The following IPPK variants were observed in gnomAD, a reference collection of about 807,000 sequenced individuals.
The protein encoded by IPPK is inositol-pentakisphosphate 2-kinase.
Under a neutral mutation model 64.6 loss-of-function variants are expected in IPPK, and 22 were observed. The ratio of observed to expected loss-of-function variants is 0.34; its 90% confidence interval spans 0.24 to 0.49. IPPK has a LOEUF of 0.49. Ranked by LOEUF, IPPK falls within the 20% of genes least tolerant of loss-of-function variation. The pLI, the probability that IPPK is intolerant of heterozygous loss-of-function variation, is 0.99. For missense variants in IPPK, 532 were observed against 630.7 expected, an observed-to-expected ratio of 0.84 and a Z score of 1.68; for synonymous variants, 262 against 247.2, an observed-to-expected ratio of 1.06 and a Z score of -0.56.
intron 12 of IPPK, chr9:92,618,348 C>G (rs1024429289): frequency 1.5e-5 from 7 of 456,610 alleles, no homozygotes; most frequent in African/African-American, 1.4e-4. Context: ...TCGTAAGGAC[C>G]CGGGCCTTCA....
rs767327265 is a variant in IPPK at position 92,638,010 on chromosome 9, G to A, written c.907C>T (p.Arg303Cys). 2.3e-5 allele frequency: 36 copies of A among 1,574,132 alleles called. No individual in the cohort carries two copies. In the East Asian group the frequency reaches 4.2e-4, roughly 18 times the overall value. The change falls in exon 9 of 13, where the codon CGC (arginine) becomes TGC (cysteine). Residue 303 changes from arginine (R) to cysteine (C), a missense_variant. Coordinates refer to ENST00000287996, the MANE Select transcript of IPPK (RefSeq NM_022755.6). ...CEASPFSRSL[R>C]CQGKNTPERS... Reference sequence around the variant, plus strand: ...GAAGGCTGGGCCCTACCTTGGCAGCGAAGGCTCCTACTGAAAGGGCTGGCT... The same window carrying A: ...GAAGGCTGGGCCCTACCTTGGCAGCAAAGGCTCCTACTGAAAGGGCTGGCT...
chr9:92,653,392 C>T (rs1852306422), intron 3 of IPPK, among the ~76,000 whole-genome samples: 1 of 152,158 alleles, frequency 6.6e-6, no homozygotes, highest in Non-Finnish European at 1.5e-5. Flanking sequence ...CATGCCCCTC[C>T]ACCACCACCC....
rs1169496985 is a variant in IPPK, at chr9:92,614,937, C to G, written c.*895G>C. On this transcript the variant is annotated 3_prime_UTR_variant, in exon 13 of 13. Transcript: ENST00000287996. ...AACGCAACACGTCTCAAGGCAAACC[C>G]GAGGGAGGAACTTGGTCTGGGAGGA... is the stretch of plus-strand genomic sequence containing the variant. The G allele has an allele frequency of 6.6e-6, 1 of 152,372 alleles. No individual in the cohort carries two copies. Among genetic ancestry groups the G allele is most frequent in the Non-Finnish European group, 1.5e-5 (1 of 68,042 alleles). 9.4% of individuals were successfully genotyped at this position (152,372 alleles called of 1,614,324 possible).
chr9:92,669,732 A>G (rs1174076124), intron 1 of IPPK, among the ~76,000 whole-genome samples, 176 bp downstream of exon 1: 1 of 137,222 alleles, frequency 7.3e-6, no homozygotes, highest in Non-Finnish European at 1.6e-5. Context: ...GTGATGAGGA[A>G]CCCAAGCGGT....
chr9:92,622,408 A>G (rs943809373), intron 11 of IPPK, among the ~76,000 whole-genome samples: 9 of 152,180 alleles, frequency 5.9e-5, no homozygotes, highest in Non-Finnish European at 1.0e-4. Flanking sequence ...AAAAGAAACT[A>G]TAATCGTTAG....
At chr9:92,652,490 C>T (rs752438996) in intron 4 of IPPK, 83 bp downstream of exon 4, 23 of 642,776 alleles carry the variant, frequency 3.6e-5, no homozygotes, top group Non-Finnish European at 5.5e-5. Context: ...AATGCATATA[C>T]CTAACATGGG....
chr9:92,658,403 C>T (rs1171229709), intron 2 of IPPK, among the ~76,000 whole-genome samples: 1 of 152,192 alleles, frequency 6.6e-6, no homozygotes, highest in South Asian at 2.1e-4. Context: ...ACAGGCCAGG[C>T]CAGGGCAGCT....
intron 12 of IPPK, chr9:92,617,865 T>C (rs1428745311): frequency 4.7e-6 from 1 of 212,780 alleles, no homozygotes. Flanking sequence ...CAGATCCAAC[T>C]TGAGACATTT....
At chr9:92,658,736 G>GT in intron 1 of IPPK, 55 bp from the exon 2 acceptor site, 1 of 1,517,008 alleles carries the variant, frequency 6.6e-7, no homozygotes, top group African/African-American at 1.4e-5. Context: ...AAGGCACAAG[G>GT]TGTCAGTCAG....
At position 92,613,315 on chromosome 9, in the gene IPPK, TACA is replaced by T; in HGVS notation, c.*2514_*2516del. ...AAACTCTCATGACATGAAAAATAAA[TACA>T]ACTAGTTAAGTATAAAATGCCAAAT... On this transcript the variant is annotated 3_prime_UTR_variant, in exon 13 of 13. Coordinates refer to ENST00000287996, the MANE Select transcript of IPPK (RefSeq NM_022755.6). The T allele has an allele frequency of 5.8e-6, 4 of 692,780 alleles. No homozygotes were observed. The highest frequency in any genetic ancestry group is 9.5e-6 in the Non-Finnish European group (4 of 421,514). 42.9% of individuals were successfully genotyped at this position (692,780 alleles called of 1,614,324 possible). A position where few individuals can be genotyped will look rare whatever the true frequency, so the allele number is the denominator to read the frequency against.
chr9:92,642,841 T>C (rs1385744714), intron 6 of IPPK, 31 bp from the exon 7 acceptor site: 2 of 1,575,002 alleles, frequency 1.3e-6, no homozygotes, highest in Non-Finnish European at 1.7e-6. Flanking sequence ...GGGCATGAGG[T>C]GACTGGCGCT....
chr9:92,645,907 A>T lies in IPPK; in HGVS notation c.504+2152T>A, dbSNP rs191275970. 6.0e-3 allele frequency among the ~76,000 whole-genome samples: 912 copies of T among 152,192 alleles called. 10 individuals are homozygous for T. Among genetic ancestry groups the T allele is most frequent in the African/African-American group, 0.021 (874 of 41,502 alleles). Reference sequence around the variant, plus strand: ...ATAAAGGATACTAGATAGTAACTCAAATCCACAGGAAGAAATAAAGAGTAT... The same window carrying T: ...ATAAAGGATACTAGATAGTAACTCATATCCACAGGAAGAAATAAAGAGTAT... On this transcript the variant is annotated intron_variant, in intron 6 of 12. Coordinates refer to ENST00000287996, the MANE Select transcript of IPPK (RefSeq NM_022755.6).
intron 1 of IPPK, among the ~76,000 whole-genome samples, chr9:92,662,767 C>G (rs1005035997): frequency 1.3e-5 from 2 of 152,164 alleles, no homozygotes; most frequent in Non-Finnish European, 2.9e-5. Context: ...TATACACACA[C>G]ACTAAATAAC....
chr9:92,630,178 C>A (rs1851812948), intron 11 of IPPK, among the ~76,000 whole-genome samples: 1 of 151,958 alleles, frequency 6.6e-6, no homozygotes, highest in South Asian at 2.1e-4. Context: ...TATGTCCACC[C>A]CATGGACTAT....
chr9:92,634,168 G>A (rs987250381), intron 11 of IPPK, among the ~76,000 whole-genome samples: 1 of 152,222 alleles, frequency 6.6e-6, no homozygotes, highest in African/African-American at 2.4e-5. Flanking sequence ...ACGGGCCAGG[G>A]CAGAACTCAA....
intron 11 of IPPK, among the ~76,000 whole-genome samples, chr9:92,621,858 C>T (rs1851642593): frequency 6.6e-6 from 1 of 152,132 alleles, no homozygotes; most frequent in South Asian, 2.1e-4. Context: ...AAAGAGTAAA[C>T]AGACCATCTT....
intron 11 of IPPK, chr9:92,619,803 C>A (rs899214047): frequency 5.5e-6 from 3 of 543,670 alleles, no homozygotes; most frequent in Non-Finnish European, 1.0e-5. Context: ...TGACCTCTCA[C>A]GGCAAGCAGT....
chr9:92,654,057 T>C (rs1224066755), intron 3 of IPPK, among the ~76,000 whole-genome samples: 1 of 152,076 alleles, frequency 6.6e-6, no homozygotes, highest in African/African-American at 2.4e-5. Context: ...ACACAGCAGC[T>C]ACGCAGGTCT....
At position 92,619,493 on chromosome 9, in the gene IPPK, C is replaced by G. The variant is rs768055077; in HGVS notation, c.1243G>C (p.Asp415His). ...IMIALSPCLQDASSDQRPVVP... is the reference protein window; with the variant it reads ...IMIALSPCLQHASSDQRPVVP... Reference sequence around the variant, plus strand: ...TTGCAGTGGGGGCCTCACCTGGCATCCTGCAGACAGGGAGACAGTGCAATC... The same window carrying G: ...TTGCAGTGGGGGCCTCACCTGGCATGCTGCAGACAGGGAGACAGTGCAATC... The change falls in exon 12 of 13, where the codon GAT (aspartate) becomes CAT (histidine). Residue 415 changes from aspartate to histidine, a missense_variant. Asp to His is a moderately conservative substitution (Grantham distance 81). Coordinates refer to ENST00000287996, the MANE Select transcript of IPPK (RefSeq NM_022755.6). 1.3e-6 allele frequency: 2 copies of G among 1,588,268 alleles called. No homozygotes were observed. Among genetic ancestry groups the G allele is most frequent in the South Asian group, 2.3e-5 (2 of 86,528 alleles).
Sources: gnomAD v4.1 joint callset for allele counts (sites outside exome capture counted in the v4.1 genomes callset) on GRCh38, gnomAD v4.1.1 for gene constraint, MANE v1.5 for transcripts, NCBI Gene and HGNC (gene_info 2026-07-23, HGNC 2026-07-21) for gene names.